The following PSMB7 variants were observed in gnomAD, a reference collection of about 807,000 sequenced individuals.
PSMB7 encodes the protein proteasome 20S subunit beta 7.
Under a neutral mutation model 28.1 loss-of-function variants are expected in PSMB7, and 5 were observed. The observed-to-expected ratio is 0.18, with a 90% CI of 0.09 to 0.37. The LOEUF (loss-of-function observed/expected upper bound fraction) is 0.37, where lower values mean the gene tolerates loss of function less well. Among genes scored for constraint, PSMB7 ranks in the 10% least tolerant of loss-of-function variants. PSMB7 has a pLI of 1.00. For synonymous variants in PSMB7, 122 were observed against 123.7 expected, an observed-to-expected ratio of 0.99 and a Z score of 0.09; for missense variants, 275 against 346.2, an observed-to-expected ratio of 0.79 and a Z score of 1.63.
rs145196560 is a variant in PSMB7 at position 124,381,640 on chromosome 9, A to G, written c.570+2958T>C. On this transcript the variant is annotated intron_variant, in intron 6 of 7. Transcript: ENST00000259457. ...CTCCCTGGAAAGAAGGAAAATTAAA[A>G]GTTTGGAAATTTTAAACCAAACTGC... Among the ~76,000 whole-genome samples the G allele has an allele frequency of 2.9e-3, 442 of 152,372 alleles. 2 individuals carry two copies. The highest frequency in any genetic ancestry group is 0.01 in the African/African-American group (426 of 41,584).
At chr9:124,398,854 T>G (rs1033683840) in intron 5 of PSMB7, among the ~76,000 whole-genome samples, 8 of 152,134 alleles carry the variant, frequency 5.3e-5, no homozygotes, top group African/African-American at 1.9e-4. Context: ...TTGCTAAATC[T>G]CTCTAACTTT....
At position 124,405,445 on chromosome 9, in the gene PSMB7, G is replaced by A. The variant is rs182278812; in HGVS notation, c.396-13C>T. ...GTAACCTTGATACCTGGTGATCAGA[G>A]TATGCATAAGAAAAAAAACATGAGT... On this transcript the variant is annotated splice_polypyrimidine_tract_variant and intron_variant, in intron 4 of 7. Transcript: ENST00000259457. 400 of 1,542,808 alleles carry A rather than the reference G, an allele frequency of 2.6e-4. No individual in the cohort carries two copies. The highest frequency in any genetic ancestry group is 1.4e-3 in the Middle Eastern group (8 of 5,914).
chr9:124,399,151 C>T (rs1195361530), intron 5 of PSMB7, among the ~76,000 whole-genome samples: 1 of 152,150 alleles, frequency 6.6e-6, no homozygotes, highest in Non-Finnish European at 1.5e-5. Flanking sequence ...CAATGAACAG[C>T]GGCTAAGGTT....
chr9:124,388,287 C>A (rs1425184890), intron 5 of PSMB7, among the ~76,000 whole-genome samples: 3 of 152,222 alleles, frequency 2.0e-5, no homozygotes, highest in Non-Finnish European at 4.4e-5. Flanking sequence ...GTGGCCAGGA[C>A]TGGGCCTCTG....
In PSMB7 at chr9:124,362,787, AAT is replaced by A. The variant is rs536958546; in HGVS notation, c.571-5874_571-5873del. On this transcript the variant is annotated intron_variant, in intron 6 of 7. Coordinates refer to ENST00000259457, the MANE Select transcript of PSMB7 (RefSeq NM_002799.4). ...TATTAGCTTGACTTTGCCATTCCAC[AAT>A]GTACACAAATTTCAAAACATCATTT... 2.4e-4 allele frequency among the ~76,000 whole-genome samples: 36 copies of A among 152,360 alleles called. No homozygotes were observed. The South Asian group carries it at 7.0e-3, about 30-fold the overall frequency.
intron 5 of PSMB7, among the ~76,000 whole-genome samples, chr9:124,392,961 G>C (rs1016429382): frequency 6.6e-6 from 1 of 152,158 alleles, no homozygotes; most frequent in Non-Finnish European, 1.5e-5. Flanking sequence ...AGCTCTCCCT[G>C]ACAGAGCGCT....
At chr9:124,384,749 G>T in intron 5 of PSMB7, 93 bp from the exon 6 acceptor site, 1 of 1,099,228 alleles carries the variant, frequency 9.1e-7, no homozygotes, top group Non-Finnish European at 1.4e-6. Flanking sequence ...AGCAAAACAT[G>T]CCCAGTGTCT....
chr9:124,394,589 G>A (rs1233566317), intron 5 of PSMB7, among the ~76,000 whole-genome samples: 1 of 152,170 alleles, frequency 6.6e-6, no homozygotes, highest in Non-Finnish European at 1.5e-5. Context: ...GGGAAAAAAG[G>A]AGGAAGAGCA....
intron 6 of PSMB7, among the ~76,000 whole-genome samples, chr9:124,361,826 A>G (rs1345611653): frequency 6.6e-6 from 1 of 152,240 alleles, no homozygotes; most frequent in Admixed American, 6.5e-5. Context: ...CTCGGCATCC[A>G]CTATAGTGCA....
At chr9:124,353,763 G>C (rs1830361664) in intron 7 of PSMB7, 54 bp from the exon 8 acceptor site, 10 of 1,317,276 alleles carry the variant, frequency 7.6e-6, no homozygotes, top group Non-Finnish European at 1.1e-5. Context: ...AGGTGCCAGA[G>C]GGCAGAAGAC....
intron 4 of PSMB7, 27 bp downstream of exon 4, chr9:124,412,325 G>A (rs2131182996): frequency 1.2e-6 from 2 of 1,609,050 alleles, no homozygotes; most frequent in South Asian, 1.1e-5. Flanking sequence ...GAAGATACTA[G>A]TAGGAATCCC....
At chr9:124,380,377 T>C (rs1332712962) in intron 6 of PSMB7, among the ~76,000 whole-genome samples, 1 of 152,036 alleles carries the variant, frequency 6.6e-6, no homozygotes, top group Non-Finnish European at 1.5e-5. Flanking sequence ...TCATCTCTAC[T>C]AAAATTCAAA....
At chr9:124,409,624 T>C (rs1348229956) in intron 4 of PSMB7, among the ~76,000 whole-genome samples, 1 of 152,232 alleles carries the variant, frequency 6.6e-6, no homozygotes, top group Non-Finnish European at 1.5e-5. Context: ...TTGTACTCTT[T>C]TTCAGACTGA....
At chr9:124,401,396 C>T (rs1301744023) in intron 5 of PSMB7, among the ~76,000 whole-genome samples, 2 of 152,278 alleles carry the variant, frequency 1.3e-5, no homozygotes, top group South Asian at 2.1e-4. Flanking sequence ...ATACCTGTCT[C>T]CCTCACAAGA....
chr9:124,406,497 C>CAAAAAAAAAAAAAAAAA (rs772524538), intron 4 of PSMB7, among the ~76,000 whole-genome samples: 1 of 50,472 alleles, frequency 2.0e-5, no homozygotes, highest in African/African-American at 6.6e-5. Context: ...AGAGTTGTCT[C>CAAAAAAAAAAAAAAAAA]AAAAAAAAAA....
intron 5 of PSMB7, among the ~76,000 whole-genome samples, chr9:124,397,450 T>G (rs572876810): frequency 2.5e-4 from 38 of 152,338 alleles, no homozygotes; most frequent in Admixed American, 2.1e-3. Flanking sequence ...AGATCAGCTG[T>G]GCCTCAAGTT....
intron 6 of PSMB7, among the ~76,000 whole-genome samples, chr9:124,361,247 AAGC>A (rs561296962): frequency 2.6e-3 from 400 of 152,366 alleles, no homozygotes; most frequent in Non-Finnish European, 4.7e-3. Flanking sequence ...CAGCTGTGAC[AAGC>A]AGCACTTTAT....
chr9:124,406,755 C>T (rs1348543440), intron 4 of PSMB7, among the ~76,000 whole-genome samples: 1 of 152,192 alleles, frequency 6.6e-6, no homozygotes, highest in South Asian at 2.1e-4. Flanking sequence ...TTTCCACCCA[C>T]ACCATCTCCA....
At chr9:124,377,303 A>C (rs1043231555) in intron 6 of PSMB7, among the ~76,000 whole-genome samples, 16 of 152,144 alleles carry the variant, frequency 1.1e-4, no homozygotes, top group Admixed American at 3.9e-4. Context: ...GCAATCCTCT[A>C]GCTCCCAAGC....
Sources: gnomAD v4.1 joint callset for allele counts (sites outside exome capture counted in the v4.1 genomes callset) on GRCh38, gnomAD v4.1.1 for gene constraint, MANE v1.5 for transcripts, NCBI Gene and HGNC (gene_info 2026-07-23, HGNC 2026-07-21) for gene names.